Variants in CACNA1A observed in about 807,000 individuals in gnomAD.
The protein encoded by CACNA1A is voltage-dependent P/Q-type calcium channel subunit alpha-1A.
In CACNA1A, 57 loss-of-function variants were observed where a neutral mutation model predicts 262.4. The ratio of observed to expected loss-of-function variants is 0.22; its 90% CI spans 0.18 to 0.27. CACNA1A has a LOEUF of 0.27. Among genes scored for constraint, CACNA1A ranks in the 10% least tolerant of loss-of-function variants. The pLI is 1.00. For missense variants in CACNA1A, 2,526 were observed against 3,562.8 expected (o/e 0.71, Z 7.41); for synonymous variants, 1,431 against 1,419.3 (o/e 1.01, Z -0.18).
intron 3 of CACNA1A, among the ~76,000 whole-genome samples, chr19:13,402,813 CATATATACACACATATATATACAT>C (rs1464909176): frequency 2.5e-5 from 3 of 118,424 alleles, no homozygotes; most frequent in East Asian, 4.4e-4. Flanking sequence ...TATATATATA[CATATATACACACATATATATACAT>C]ATATATACAC....
intron 3 of CACNA1A, among the ~76,000 whole-genome samples, chr19:13,416,683 C>T (rs2060228128): frequency 6.6e-6 from 1 of 152,008 alleles, no homozygotes; most frequent in Non-Finnish European, 1.5e-5. Context: ...GGCGTGTTGG[C>T]GGGCGCCTGT....
At chr19:13,306,853 C>A (rs1003789452) in intron 15 of CACNA1A, among the ~76,000 whole-genome samples, 45 of 152,196 alleles carry the variant, frequency 3.0e-4, no homozygotes, top group Non-Finnish European at 6.5e-4. Flanking sequence ...CCATGGAAAC[C>A]ACAATCAAGC....
At position 13,207,320 on chromosome 19, in the gene CACNA1A, C is replaced by T; in HGVS notation, c.7514G>A (p.Trp2505Ter). The T allele has an allele frequency of 3.2e-6, 5 of 1,558,556 alleles. No individual in the cohort carries two copies. Among genetic ancestry groups the T allele is most frequent in the Non-Finnish European group, 4.3e-6 (5 of 1,159,768 alleles). The change falls in exon 47 of 47, where the codon TGG becomes TAG. Residue 2505 changes from tryptophan to a stop codon, truncating the protein, a stop_gained. Coordinates refer to ENST00000360228, the MANE Select transcript of CACNA1A (RefSeq NM_001127222.2). LOFTEE classifies it high-confidence loss of function. This position sits in a 1 kb window ranked among gnomAD's most constrained non-coding sequence, Gnocchi z 5.7. ...GCGCCACCTCGCCCGGGCTTAGCAC[C>T]AATCATCGTCACTCTCGCTGTAGGG... The part of the protein sequence containing the change: ...HEPYSESDDD[W>*]C
chr19:13,266,731 GC>G (rs1400093107), intron 24 of CACNA1A, among the ~76,000 whole-genome samples: 3 of 152,088 alleles, frequency 2.0e-5, no homozygotes, highest in Non-Finnish European at 4.4e-5. Flanking sequence ...GCACCACCAA[GC>G]CCAGATAATT....
chr19:13,272,233 G>A (rs2057038756), intron 24 of CACNA1A: 1 of 152,240 alleles, frequency 6.6e-6, no homozygotes, highest in African/African-American at 2.4e-5. Flanking sequence ...CCATTCCCCT[G>A]GGCACAGGTG....
At chr19:13,263,081 C>G (rs1304130936) in intron 24 of CACNA1A, 10 of 498,592 alleles carry the variant, frequency 2.0e-5, no homozygotes, top group Admixed American at 6.5e-5. Flanking sequence ...CCTTTGCCAT[C>G]TGGCTGGGCC....
chr19:13,315,495 G>T (rs1251858777), intron 11 of CACNA1A: 1 of 152,166 alleles, frequency 6.6e-6, no homozygotes, highest in Non-Finnish European at 1.5e-5. Context: ...CCTTGTTCCT[G>T]AACCAGGACA....
chr19:13,488,349 G>A (rs56659398), intron 1 of CACNA1A, among the ~76,000 whole-genome samples: 3,021 of 151,192 alleles, frequency 0.02, 81 homozygotes, highest in African/African-American at 0.07. Context: ...CAGCATCTGT[G>A]GGGGTGGAGC....
At chr19:13,461,113 G>A (rs2061113775) in intron 1 of CACNA1A, among the ~76,000 whole-genome samples, 1 of 152,130 alleles carries the variant, frequency 6.6e-6, no homozygotes, top group Non-Finnish European at 1.5e-5. Context: ...GCCGAGGCGG[G>A]TGGATCACCA....
intron 1 of CACNA1A, among the ~76,000 whole-genome samples, chr19:13,503,348 G>A (rs887000249): frequency 6.6e-6 from 1 of 152,084 alleles, no homozygotes; most frequent in East Asian, 1.9e-4. Flanking sequence ...TGCTGGATAC[G>A]TGGGTGTGTT....
intron 23 of CACNA1A, among the ~76,000 whole-genome samples, chr19:13,276,576 G>A (rs554607338): frequency 1.5e-4 from 23 of 151,920 alleles, no homozygotes; most frequent in East Asian, 1.9e-4. Flanking sequence ...CTCTCACTCC[G>A]CCCAGCCACA....
At chr19:13,451,238 T>C (rs1394721905) in intron 3 of CACNA1A, 1 of 152,330 alleles carries the variant, frequency 6.6e-6, no homozygotes, top group Non-Finnish European at 1.5e-5. Flanking sequence ...GAGGCAACAT[T>C]GCTCTGAAAC....
chr19:13,256,837 G>C (rs1407843062), intron 28 of CACNA1A: 2 of 152,610 alleles, frequency 1.3e-5, no homozygotes, highest in Non-Finnish European at 2.9e-5. Context: ...AGGGGAGATT[G>C]TATTTGCCCA....
At chr19:13,451,455 G>A (rs1292878207) in intron 3 of CACNA1A, 1 of 152,258 alleles carries the variant, frequency 6.6e-6, no homozygotes, top group East Asian at 1.9e-4. Flanking sequence ...GTGGGAAGAG[G>A]AGGAACCAGC....
chr19:13,409,740 T>C (rs535235391), intron 3 of CACNA1A, among the ~76,000 whole-genome samples: 10 of 152,184 alleles, frequency 6.6e-5, no homozygotes, highest in African/African-American at 2.2e-4. Context: ...GACAGTGTTT[T>C]GCCATGTTGC....
intron 19 of CACNA1A, among the ~76,000 whole-genome samples, chr19:13,292,609 A>G (rs1188680558): frequency 6.6e-6 from 1 of 151,978 alleles, no homozygotes; most frequent in Non-Finnish European, 1.5e-5. Context: ...AAGCGAGACC[A>G]TGTCTCAAAA....
chr19:13,240,009 G>C (rs1378132254), intron 31 of CACNA1A, among the ~76,000 whole-genome samples: 1 of 152,068 alleles, frequency 6.6e-6, no homozygotes, highest in Non-Finnish European at 1.5e-5. Flanking sequence ...GAAGTGGCCT[G>C]GCGTGGTGGT....
At chr19:13,505,475 C>A (rs968326567) in intron 1 of CACNA1A, among the ~76,000 whole-genome samples, 1 of 152,152 alleles carries the variant, frequency 6.6e-6, no homozygotes, top group Non-Finnish European at 1.5e-5. Context: ...CCAGCTTCCC[C>A]TGCGTGGACT....
intron 3 of CACNA1A, among the ~76,000 whole-genome samples, chr19:13,416,203 C>T (rs943683407): frequency 2.7e-4 from 41 of 152,250 alleles, no homozygotes; most frequent in African/African-American, 8.4e-4. Context: ...TGGGCTCAAG[C>T]GATCCTCCTG....
Sources: allele counts gnomAD v4.1 joint callset (sites outside exome capture counted in the v4.1 genomes callset), GRCh38; gene constraint gnomAD v4.1.1; non-coding constraint Gnocchi (gnomAD v3.1); transcripts MANE v1.5; gene names NCBI Gene and HGNC (gene_info 2026-07-23, HGNC 2026-07-21).